The following ANO5 variants were observed in gnomAD, a reference collection of about 807,000 sequenced individuals.
ANO5 encodes the protein anoctamin 5.
ANO5 carries 109 observed loss-of-function variants against 121.0 expected under a neutral mutation model. The observed-to-expected ratio is 0.90, with a 90% CI of 0.77 to 1.06. ANO5 has a LOEUF of 1.06. Among genes scored for constraint, ANO5 ranks in the 50% least tolerant of loss-of-function variants. The pLI is 0.00. For missense variants in ANO5, 1,064 were observed against 1,078.5 expected (o/e 0.99, Z 0.19); for synonymous variants, 406 against 359.9 (o/e 1.13, Z -1.45).
In ANO5 at chr11:22,221,186, A is replaced by G. The variant is rs759043871; in HGVS notation, c.270A>G (p.Val90=). Residue 90 remains valine (V), a synonymous_variant, in exon 5 of 22, where the codon GTA becomes GTG. Coordinates refer to ENST00000324559, the MANE Select transcript of ANO5 (RefSeq NM_213599.3). ...TTGTGCTTTCCTACGTTGATGATGTAAAGAAAGACGCAGAGTTAAAGGCGG... is the reference window on the plus strand; with the variant it reads ...TTGTGCTTTCCTACGTTGATGATGTGAAGAAAGACGCAGAGTTAAAGGCGG... The part of the protein sequence containing the change: ...IDFVLSYVDD[V]KKDAELKAER... 2 of 1,610,278 alleles carry G rather than the reference A, an allele frequency of 1.2e-6. No homozygotes were observed. Among genetic ancestry groups the G allele is most frequent in the Non-Finnish European group, 1.7e-6 (2 of 1,177,212 alleles).
intron 1 of ANO5, among the ~76,000 whole-genome samples, chr11:22,199,490 G>T (rs537326179): frequency 9.9e-5 from 15 of 152,194 alleles, no homozygotes; most frequent in Non-Finnish European, 1.8e-4. Context: ...TTTGTCAGTA[G>T]CCTGTAGCCT....
intron 15 of ANO5, chr11:22,261,751 A>G (rs1403913914): frequency 4.2e-6 from 1 of 236,140 alleles, no homozygotes; most frequent in East Asian, 1.1e-4. Context: ...CCATGATTCA[A>G]TGGCCTCCCA....
intron 16 of ANO5, 24 bp downstream of exon 16, chr11:22,262,322 G>C (rs1208629168): frequency 2.5e-6 from 4 of 1,610,474 alleles, no homozygotes; most frequent in Admixed American, 1.7e-5. Context: ...TGAGAGTTGA[G>C]GTGTGTAGCT....
chr11:22,217,833 C>CTA (rs1258566403), intron 3 of ANO5, among the ~76,000 whole-genome samples: 3 of 151,848 alleles, frequency 2.0e-5, no homozygotes, highest in African/African-American at 7.2e-5. Flanking sequence ...GGGTACTATG[C>CTA]TTAATAACTG....
At chr11:22,210,974 A>T (rs1229738711) in intron 2 of ANO5, among the ~76,000 whole-genome samples, 1 of 151,874 alleles carries the variant, frequency 6.6e-6, no homozygotes, top group Non-Finnish European at 1.5e-5. Context: ...TTATGATTTG[A>T]TAAAGCTACC....
chr11:22,270,396 T>A lies in ANO5; in HGVS notation c.1983T>A (p.Leu661=), dbSNP rs944652752. The stretch of plus-strand genomic sequence containing the variant: ...GTCGATGGGAGCAGGATCATGACCT[T>A]GAAAGTTTTGGACCCCTTGGGCTTT... ...LYSRWEQDHD[L]ESFGPLGLFY... The change falls in exon 18 of 22, where the codon CTT becomes CTA. Residue 661 remains leucine (L), a synonymous_variant. Coordinates refer to ENST00000324559, the MANE Select transcript of ANO5 (RefSeq NM_213599.3). 3.2e-5 allele frequency: 52 copies of A among 1,614,048 alleles called. No individual in the cohort carries two copies. The highest frequency in any genetic ancestry group is 4.4e-5 in the Non-Finnish European group (52 of 1,180,014).
intron 17 of ANO5, among the ~76,000 whole-genome samples, chr11:22,266,768 C>T (rs576148142): frequency 6.6e-6 from 1 of 151,990 alleles, no homozygotes; most frequent in Non-Finnish European, 1.5e-5. Flanking sequence ...GTTTCACAAC[C>T]ACAGAATTAC....
At chr11:22,233,228 T>A (rs1853103355) in intron 7 of ANO5, among the ~76,000 whole-genome samples, 1 of 151,386 alleles carries the variant, frequency 6.6e-6, no homozygotes, top group Non-Finnish European at 1.5e-5. Context: ...ATACTTACAT[T>A]CAAAAGTGAT....
chr11:22,209,861 T>C (rs1438465043), intron 2 of ANO5, among the ~76,000 whole-genome samples: 2 of 73,736 alleles, frequency 2.7e-5, no homozygotes, highest in Non-Finnish European at 4.7e-5. Flanking sequence ...TTTTCTTCTA[T>C]GCTTCTGTAA....
At chr11:22,208,710 G>T (rs1019690507) in intron 2 of ANO5, among the ~76,000 whole-genome samples, 3 of 151,942 alleles carry the variant, frequency 2.0e-5, no homozygotes, top group Non-Finnish European at 4.4e-5. Context: ...CTGTGGTTAT[G>T]TAAGATGGAA....
At chr11:22,205,391 G>A (rs1234141211) in intron 2 of ANO5, among the ~76,000 whole-genome samples, 2 of 152,046 alleles carry the variant, frequency 1.3e-5, no homozygotes, top group African/African-American at 2.4e-5. Context: ...AATGCTGAGA[G>A]AAACAGAATA....
intron 2 of ANO5, among the ~76,000 whole-genome samples, chr11:22,207,736 C>G (rs182161721): frequency 6.6e-6 from 1 of 152,076 alleles, no homozygotes; most frequent in Non-Finnish European, 1.5e-5. Context: ...TGATGATGAA[C>G]AGACAGGCTA....
At chr11:22,262,340 C>T in intron 16 of ANO5, 42 bp downstream of exon 16, 1 of 1,595,384 alleles carries the variant, frequency 6.3e-7, no homozygotes, top group Non-Finnish European at 8.6e-7. Context: ...GCTTCAATAC[C>T]TCAGTATTAA....
intron 2 of ANO5, among the ~76,000 whole-genome samples, chr11:22,205,023 T>G (rs1852071797): frequency 6.6e-6 from 1 of 152,082 alleles, no homozygotes; most frequent in Non-Finnish European, 1.5e-5. Flanking sequence ...GCCATAAAAA[T>G]GACAAGATCA....
intron 15 of ANO5, among the ~76,000 whole-genome samples, chr11:22,260,815 T>G (rs1469543099): frequency 2.0e-5 from 3 of 152,312 alleles, no homozygotes; most frequent in South Asian, 2.1e-4. Flanking sequence ...GAAAACATAC[T>G]TTTCTACATT....
intron 14 of ANO5, 99 bp downstream of exon 14, chr11:22,257,853 C>T (rs1034539254): frequency 4.2e-6 from 4 of 942,972 alleles, no homozygotes; most frequent in Admixed American, 2.0e-5. Context: ...TCTTTCCTTT[C>T]CCTCTCCCTC....
At chr11:22,193,070 C>T (rs1031569006), upstream of ANO5, 3 of 1,031,712 alleles carry the variant, frequency 2.9e-6, no homozygotes, top group Non-Finnish European at 3.5e-6. Flanking sequence ...AGGAAAGCTG[C>T]CAGAGGGCAG....
intron 3 of ANO5, among the ~76,000 whole-genome samples, chr11:22,214,788 G>C (rs1479447757): frequency 6.6e-6 from 1 of 151,912 alleles, no homozygotes. Flanking sequence ...GAGTGGAGAG[G>C]GAATGTGCTG....
At chr11:22,214,855 C>T (rs186083225) in intron 3 of ANO5, among the ~76,000 whole-genome samples, 7 of 151,904 alleles carry the variant, frequency 4.6e-5, no homozygotes, top group East Asian at 3.9e-4. Flanking sequence ...TGGAGTCTTG[C>T]GGTTCCTACT....
Sources: gnomAD v4.1 joint callset for allele counts (sites outside exome capture counted in the v4.1 genomes callset) on GRCh38, gnomAD v4.1.1 for gene constraint, MANE v1.5 for transcripts, NCBI Gene and HGNC (gene_info 2026-07-23, HGNC 2026-07-21) for gene names.